The following SDK1 variants were observed in gnomAD, a reference collection of about 807,000 sequenced individuals.
SDK1 encodes the protein sidekick cell adhesion molecule 1, also known as protein sidekick-1.
SDK1 carries 157 observed loss-of-function variants against 245.5 expected under a neutral mutation model. The ratio of observed to expected loss-of-function variants is 0.64; its 90% CI spans 0.56 to 0.73. The LOEUF (loss-of-function observed/expected upper bound fraction) is 0.73. Ranked by LOEUF, SDK1 falls within the 30% of genes least tolerant of loss-of-function variation. The pLI is 0.00. For synonymous variants in SDK1, 1,647 were observed against 1,278.5 expected (o/e 1.29, Z -6.15); for missense variants, 3,583 against 3,002.3 (o/e 1.19, Z -4.52).
intron 34 of SDK1, among the ~76,000 whole-genome samples, chr7:4,176,140 ACT>A (rs899520529): frequency 6.8e-6 from 1 of 146,846 alleles, no homozygotes; most frequent in Non-Finnish European, 1.5e-5. Flanking sequence ...TTAAAGAAAC[ACT>A]CTTTTTTCTT....
chr7:3,397,236 C>T (rs199830879), intron 1 of SDK1, among the ~76,000 whole-genome samples: 5 of 151,732 alleles, frequency 3.3e-5, no homozygotes, highest in East Asian at 3.8e-4. Context: ...AGGAGAAAAG[C>T]GTTCTCAAAA....
In SDK1 at chr7:3,991,940, A is replaced by G. The variant is rs558286969; in HGVS notation, c.2131+4618A>G. On this transcript the variant is annotated intron_variant, in intron 14 of 44. Transcript: ENST00000404826. ...CTGAACATGCTGGCTAATTAGAGCC[A>G]GAAAGAACAGCTTAGCAGCAAGTGC... Among the ~76,000 whole-genome samples, 8 of 152,362 alleles carry G rather than the reference A, an allele frequency of 5.3e-5. No homozygotes were observed. The East Asian group carries it at 9.6e-4, about 18-fold the overall frequency.
chr7:4,182,579 G>T (rs980951466), intron 35 of SDK1, among the ~76,000 whole-genome samples: 2 of 152,208 alleles, frequency 1.3e-5, no homozygotes, highest in Non-Finnish European at 2.9e-5. Flanking sequence ...TCTCATAGCA[G>T]GGCTGCAGGG....
At chr7:3,508,325 T>A (rs1433858332) in intron 1 of SDK1, among the ~76,000 whole-genome samples, 1 of 129,074 alleles carries the variant, frequency 7.7e-6, no homozygotes, top group East Asian at 2.3e-4. Context: ...TTCTTCTTCT[T>A]CTTTTTTTTT....
chr7:4,249,891 A>T (rs1392754339), intron 44 of SDK1, among the ~76,000 whole-genome samples: 1 of 152,208 alleles, frequency 6.6e-6, no homozygotes, highest in Non-Finnish European at 1.5e-5. Context: ...CACATGTCAT[A>T]CAATTCACTC....
chr7:3,646,714 AC>A (rs61200591), intron 4 of SDK1, among the ~76,000 whole-genome samples: 3,562 of 152,248 alleles, frequency 0.023, 145 homozygotes, highest in African/African-American at 0.08. Flanking sequence ...CATTTAGAAG[AC>A]CAGCTTTCAA....
At chr7:3,930,121 C>T (rs777946044) in intron 5 of SDK1, among the ~76,000 whole-genome samples, 34 of 152,276 alleles carry the variant, frequency 2.2e-4, no homozygotes, top group Non-Finnish European at 3.8e-4. Flanking sequence ...AGCTCGTTAA[C>T]ATTTAGGTCC....
In SDK1 at chr7:4,077,198, A is replaced by G; in HGVS notation, c.3202+9A>G. ...TTCTGGAGTGCCCCCAGGTCAGTAG[A>G]ATCGTGTGCGGTCCTCCTGCTGTCA... is the stretch of plus-strand genomic sequence containing the variant. On this transcript the variant is annotated intron_variant, in intron 21 of 44. Transcript: ENST00000404826. The G allele has an allele frequency of 6.2e-7, 1 of 1,612,994 alleles. No individual in the cohort carries two copies. The highest frequency in any genetic ancestry group is 8.5e-7 in the Non-Finnish European group (1 of 1,179,266).
intron 5 of SDK1, among the ~76,000 whole-genome samples, chr7:3,921,225 G>A (rs191376731): frequency 1.8e-4 from 27 of 152,226 alleles, no homozygotes; most frequent in African/African-American, 4.3e-4. Flanking sequence ...TTAGCAAAAT[G>A]AGATCATACA....
chr7:4,163,107 T>C (rs1298222742), intron 32 of SDK1, among the ~76,000 whole-genome samples: 1 of 152,202 alleles, frequency 6.6e-6, no homozygotes, highest in Non-Finnish European at 1.5e-5. Flanking sequence ...AGTCAAAGTT[T>C]CTGGCCCACA....
chr7:4,258,651 C>G (rs924365446), intron 44 of SDK1, among the ~76,000 whole-genome samples: 14 of 152,326 alleles, frequency 9.2e-5, no homozygotes, highest in African/African-American at 3.1e-4. Flanking sequence ...AGGTCACTTG[C>G]ATTTGTGGAT....
chr7:3,893,414 A>G lies in SDK1; in HGVS notation c.848-57509A>G, dbSNP rs571968385. Among the ~76,000 whole-genome samples, 17 of 151,980 alleles carry G rather than the reference A, an allele frequency of 1.1e-4. No homozygotes were observed. The South Asian group carries it at 3.5e-3, about 32-fold the overall frequency. Reference sequence around the variant, plus strand: ...ATGAGCTACTGATAATATCAACTTCATAGTTTTGTTGTGGGGATAAATGAG... The same window carrying G: ...ATGAGCTACTGATAATATCAACTTCGTAGTTTTGTTGTGGGGATAAATGAG... On this transcript the variant is annotated intron_variant, in intron 5 of 44. Transcript: ENST00000404826.
At chr7:3,592,871 T>A (rs998581735) in intron 1 of SDK1, among the ~76,000 whole-genome samples, 1 of 152,234 alleles carries the variant, frequency 6.6e-6, no homozygotes, top group Admixed American at 6.5e-5. Context: ...AATGCACTGC[T>A]GATTAATATG....
chr7:3,490,741 G>T (rs935626835), intron 1 of SDK1, among the ~76,000 whole-genome samples: 2 of 152,160 alleles, frequency 1.3e-5, no homozygotes, highest in Admixed American at 1.3e-4. Flanking sequence ...GGGTCTGTGA[G>T]CCCCTGAGCT....
At position 4,114,131 on chromosome 7, in the gene SDK1, A is replaced by G. The variant is rs1316420683; in HGVS notation, c.3680A>G (p.Gln1227Arg). 8 of 1,614,232 alleles carry G rather than the reference A, an allele frequency of 5.0e-6. No individual in the cohort carries two copies. The South Asian group carries it at 8.8e-5, about 18-fold the overall frequency. The change falls in exon 25 of 45, where the codon CAA becomes CGA. Residue 1227 changes from glutamine to arginine, a missense_variant. By Grantham distance (43) the Gln-to-Arg change is conservative. Transcript: ENST00000404826. ...GACCTCCAGTCCTCAGCAGTGGCCCAAGTCGTCAGTGACCGGCTGGAGAGA... is the reference window on the plus strand; with the variant it reads ...GACCTCCAGTCCTCAGCAGTGGCCCGAGTCGTCAGTGACCGGCTGGAGAGA... ...RSDLQSSAVA[Q>R]VVSDRLEREF... is the part of the protein sequence containing the mutation.
chr7:4,065,696 T>TTTG (rs1562755493), intron 19 of SDK1, among the ~76,000 whole-genome samples: 1 of 41,714 alleles, frequency 2.4e-5, no homozygotes, highest in Non-Finnish European at 4.2e-5. Context: ...TGGTTGTTGT[T>TTTG]TTTTTTTTTT....
chr7:4,203,920 C>A (rs2128226527), intron 35 of SDK1, among the ~76,000 whole-genome samples: 1 of 152,380 alleles, frequency 6.6e-6, no homozygotes, highest in Admixed American at 6.5e-5. Context: ...CTGCCTGAGA[C>A]AGGGTCATGG....
chr7:3,972,079 CT>C (rs10707387), intron 12 of SDK1, among the ~76,000 whole-genome samples: 49,697 of 123,082 alleles, frequency 0.4, 11,198 homozygotes, highest in African/African-American at 0.72. Flanking sequence ...TGAGGGTTCT[CT>C]TTTTTTTTTT....
chr7:4,251,110 A>G (rs919742861), intron 44 of SDK1, among the ~76,000 whole-genome samples: 2 of 152,248 alleles, frequency 1.3e-5, no homozygotes, highest in Admixed American at 1.3e-4. Flanking sequence ...ATGTTGTAGC[A>G]CATATCAGTA....
Sources: gnomAD v4.1 joint callset for allele counts (sites outside exome capture counted in the v4.1 genomes callset) on GRCh38, gnomAD v4.1.1 for gene constraint, MANE v1.5 for transcripts, NCBI Gene and HGNC (gene_info 2026-07-23, HGNC 2026-07-21) for gene names.